LGR6: variants seen among roughly 807,000 people sequenced by gnomAD.
The protein encoded by LGR6 is leucine rich repeat containing G protein-coupled receptor 6, also known as leucine-rich repeat-containing G protein-coupled receptor 6.
Under a neutral mutation model 69.4 loss-of-function variants are expected in LGR6, and 45 were observed. The observed-to-expected ratio is 0.65, with a 90% confidence interval of 0.51 to 0.83. The LOEUF is 0.83. LGR6 is among the 40% of genes least tolerant of loss of function. The probability of loss-of-function intolerance (pLI) is 0.00; values close to 1 mark genes in which losing one functional copy is unlikely to be tolerated. For missense variants in LGR6, 1,108 were observed against 1,246.7 expected (o/e 0.89, Z 1.68); for synonymous variants, 538 against 555.0 (o/e 0.97, Z 0.43).
At chr1:202,231,026 T>C (rs1298682273) in intron 3 of LGR6, among the ~76,000 whole-genome samples, 1 of 152,172 alleles carries the variant, frequency 6.6e-6, no homozygotes, top group Non-Finnish European at 1.5e-5. Context: ...TCTTAGCCCA[T>C]GCCATCTTGA....
intron 1 of LGR6, 158 bp from the exon 2 acceptor site, chr1:202,225,265 C>T (rs1199997530): frequency 1.2e-5 from 8 of 662,248 alleles, no homozygotes; most frequent in Middle Eastern, 4.2e-4. Flanking sequence ...TTAGAGAGAA[C>T]GCAGCTGCTG....
intron 16 of LGR6, among the ~76,000 whole-genome samples, chr1:202,312,996 A>G (rs1211761207): frequency 6.6e-6 from 1 of 152,158 alleles, no homozygotes; most frequent in African/African-American, 2.4e-5. Context: ...TGGGAGGCCG[A>G]GGCAGGCGGA....
chr1:202,269,871 G>A (rs142030161), intron 4 of LGR6, among the ~76,000 whole-genome samples: 14 of 152,158 alleles, frequency 9.2e-5, no homozygotes, highest in Admixed American at 9.2e-4. Context: ...TCAGGGAGCG[G>A]GTACTATGGC....
rs10522754 is a variant in LGR6, at chr1:202,205,969, A to AACACACACACACAC, written c.212+11775_212+11788dup. Reference sequence around the variant, plus strand: ...AGAACACACACACACACAGACACACAACACACACACACACACACACCCCTA... The same window carrying AACACACACACACAC: ...AGAACACACACACACACAGACACACAACACACACACACACACACACACACACACACACACCCCTA... On this transcript the variant is annotated intron_variant, in intron 1 of 17. Coordinates refer to ENST00000367278, the MANE Select transcript of LGR6 (RefSeq NM_001017403.2). Among the ~76,000 whole-genome samples, 1,007 of 149,076 alleles carry AACACACACACACAC rather than the reference A, an allele frequency of 6.8e-3. 7 individuals carry two copies. The highest frequency in any genetic ancestry group is 0.029 in the East Asian group (147 of 5,002).
At chr1:202,286,555 T>C (rs1666408107) in intron 6 of LGR6, among the ~76,000 whole-genome samples, 1 of 152,180 alleles carries the variant, frequency 6.6e-6, no homozygotes, top group Non-Finnish European at 1.5e-5. Flanking sequence ...GCCAGGATTT[T>C]AATTTGGGTT....
intron 1 of LGR6, among the ~76,000 whole-genome samples, chr1:202,201,488 G>A (rs908173184): frequency 2.6e-5 from 4 of 152,298 alleles, no homozygotes; most frequent in Admixed American, 2.0e-4. Context: ...TACCAATGAG[G>A]AAACCAAGGC....
intron 1 of LGR6, among the ~76,000 whole-genome samples, chr1:202,212,157 A>T (rs1659487214): frequency 6.6e-6 from 1 of 152,022 alleles, no homozygotes; most frequent in Admixed American, 6.5e-5. Flanking sequence ...GAGCATATGG[A>T]TGTGTGTCTG....
At chr1:202,237,286 G>C (rs1245064984) in intron 4 of LGR6, among the ~76,000 whole-genome samples, 2 of 152,200 alleles carry the variant, frequency 1.3e-5, no homozygotes. Flanking sequence ...TGTGCCCCTA[G>C]AGGCCAACGT....
At chr1:202,250,288 A>G (rs1027846390) in intron 4 of LGR6, among the ~76,000 whole-genome samples, 3 of 152,162 alleles carry the variant, frequency 2.0e-5, no homozygotes, top group African/African-American at 7.2e-5. Context: ...ACAGCCTGCA[A>G]TCCTACTGTT....
chr1:202,310,449 C>T, intron 16 of LGR6, 92 bp downstream of exon 16: 2 of 1,258,404 alleles, frequency 1.6e-6, no homozygotes, highest in Non-Finnish European at 2.2e-6. Flanking sequence ...GGGAATCTGA[C>T]AGCAGCTGCA....
At chr1:202,250,557 C>G (rs545073728) in intron 4 of LGR6, among the ~76,000 whole-genome samples, 2 of 152,058 alleles carry the variant, frequency 1.3e-5, no homozygotes, top group African/African-American at 2.4e-5. Flanking sequence ...AGGGGCCCAC[C>G]ACCACACCCA....
Sources: gnomAD v4.1 joint callset for allele counts (sites outside exome capture counted in the v4.1 genomes callset) on GRCh38, gnomAD v4.1.1 for gene constraint, MANE v1.5 for transcripts, NCBI Gene and HGNC (gene_info 2026-07-23, HGNC 2026-07-21) for gene names.